ATRNL1: variants seen among roughly 807,000 people sequenced by gnomAD.
ATRNL1 encodes attractin like 1, also known as attractin-like protein 1.
ATRNL1 carries 95 observed loss-of-function variants against 182.7 expected under a neutral mutation model. That is an observed-to-expected ratio of 0.52 (90% confidence interval 0.44 to 0.62). ATRNL1 has a LOEUF of 0.62. ATRNL1 is among the 20% of genes least tolerant of loss of function. The probability of loss-of-function intolerance (pLI) is 0.00; values close to 1 mark genes in which losing one functional copy is unlikely to be tolerated. For synonymous variants in ATRNL1, 576 were observed against 568.3 expected (o/e 1.01, Z -0.19); for missense variants, 1,471 against 1,679.5 (o/e 0.88, Z 2.17).
In ATRNL1 at chr10:115,135,230, A is replaced by G. The variant is rs1845449774; in HGVS notation, c.829+5695A>G. ...GAAATAGAAGGTATTCAATTAGGAA[A>G]AGAGGAAGTCAAATTGTCCCTGTTT... is the stretch of plus-strand genomic sequence containing the variant. On this transcript the variant is annotated intron_variant, in intron 5 of 28. Coordinates refer to ENST00000355044, the MANE Select transcript of ATRNL1 (RefSeq NM_207303.4). Among the ~76,000 whole-genome samples the G allele has an allele frequency of 2.0e-5, 3 of 152,284 alleles. No individual in the cohort carries two copies. The South Asian group carries it at 6.2e-4, about 32-fold the overall frequency.
At chr10:115,935,608 G>A (rs1953533119) in intron 28 of ATRNL1, among the ~76,000 whole-genome samples, 1 of 152,092 alleles carries the variant, frequency 6.6e-6, no homozygotes. Context: ...AGCTGTGTGG[G>A]CATAAACTAG....
chr10:115,711,705 A>G (rs1947068453), intron 26 of ATRNL1, among the ~76,000 whole-genome samples: 1 of 152,200 alleles, frequency 6.6e-6, no homozygotes, highest in South Asian at 2.1e-4. Context: ...GGGTTGGAAC[A>G]GGACATATAT....
chr10:115,823,199 C>CA (rs1395021517), intron 27 of ATRNL1, among the ~76,000 whole-genome samples: 9 of 152,146 alleles, frequency 5.9e-5, no homozygotes, highest in Admixed American at 4.6e-4. Flanking sequence ...TCAATAGATG[C>CA]AAAAAAGACC....
chr10:115,151,292 G>A (rs1160065856), intron 5 of ATRNL1, among the ~76,000 whole-genome samples: 3 of 152,152 alleles, frequency 2.0e-5, no homozygotes, highest in Non-Finnish European at 4.4e-5. Flanking sequence ...TTGAGGGATC[G>A]CCACACTGTC....
intron 27 of ATRNL1, among the ~76,000 whole-genome samples, chr10:115,766,856 C>T (rs2134157933): frequency 6.6e-6 from 1 of 152,224 alleles, no homozygotes; most frequent in African/African-American, 2.4e-5. Flanking sequence ...AATTTGGAGT[C>T]AAAAGCCTTG....
At chr10:115,764,679 T>G (rs1413030869) in intron 27 of ATRNL1, among the ~76,000 whole-genome samples, 4 of 152,128 alleles carry the variant, frequency 2.6e-5, no homozygotes, top group African/African-American at 7.2e-5. Context: ...TGTTTGTTTT[T>G]TTGTTGTTGT....
chr10:115,819,226 C>G (rs1298371353), intron 27 of ATRNL1, among the ~76,000 whole-genome samples: 1 of 113,712 alleles, frequency 8.8e-6, no homozygotes, highest in Non-Finnish European at 2.0e-5. Context: ...AGACATCTCC[C>G]CTTTAGTGTC....
chr10:115,453,523 T>C (rs529756027), intron 21 of ATRNL1, among the ~76,000 whole-genome samples: 1 of 152,232 alleles, frequency 6.6e-6, no homozygotes, highest in Admixed American at 6.6e-5. Context: ...TAATTTCAAC[T>C]TTTTAGTTTG....
At chr10:115,762,884 T>C (rs907887305) in intron 27 of ATRNL1, among the ~76,000 whole-genome samples, 1 of 152,138 alleles carries the variant, frequency 6.6e-6, no homozygotes, top group Non-Finnish European at 1.5e-5. Context: ...TTATTCATTT[T>C]TGTTTAAATT....
intron 27 of ATRNL1, among the ~76,000 whole-genome samples, chr10:115,762,022 C>T (rs1315908121): frequency 6.6e-6 from 1 of 152,118 alleles, no homozygotes; most frequent in African/African-American, 2.4e-5. Flanking sequence ...CAATAAACAT[C>T]TCCAAATTAT....
intron 3 of ATRNL1, among the ~76,000 whole-genome samples, chr10:115,122,752 A>G (rs983463817): frequency 6.6e-6 from 1 of 152,094 alleles, no homozygotes; most frequent in Non-Finnish European, 1.5e-5. Context: ...GAGCTTAGGT[A>G]CTTATTCTAT....
chr10:115,453,012 A>G lies in ATRNL1; in HGVS notation c.3323-8929A>G, dbSNP rs556459657. Among the ~76,000 whole-genome samples the G allele has an allele frequency of 2.6e-5, 4 of 152,228 alleles. No individual in the cohort carries two copies. The South Asian group carries it at 8.3e-4, about 31-fold the overall frequency. On this transcript the variant is annotated intron_variant, in intron 21 of 28. Coordinates refer to ENST00000355044, the MANE Select transcript of ATRNL1 (RefSeq NM_207303.4). The stretch of plus-strand genomic sequence containing the variant: ...CTCCAGGTCTATCTATGTTGTTGCA[A>G]ATGGCAGAATTTCCATCCTTTTTAA...
At chr10:115,281,057 T>C (rs1852338014) in intron 13 of ATRNL1, among the ~76,000 whole-genome samples, 2 of 152,322 alleles carry the variant, frequency 1.3e-5, no homozygotes, top group East Asian at 1.9e-4. Flanking sequence ...TATGCCTCTA[T>C]TGCTGTGATT....
At chr10:115,604,077 C>T (rs1182535497) in intron 26 of ATRNL1, among the ~76,000 whole-genome samples, 1 of 152,010 alleles carries the variant, frequency 6.6e-6, no homozygotes, top group Non-Finnish European at 1.5e-5. Flanking sequence ...TTGTTTTTTA[C>T]TGACTTATTT....
chr10:115,179,017 A>G (rs1196642741), intron 8 of ATRNL1, among the ~76,000 whole-genome samples: 5 of 152,132 alleles, frequency 3.3e-5, no homozygotes, highest in Non-Finnish European at 5.9e-5. Flanking sequence ...GTAAAGGGCC[A>G]TATATTAAAT....
chr10:115,721,750 C>G (rs552764769), intron 26 of ATRNL1, among the ~76,000 whole-genome samples: 2 of 152,288 alleles, frequency 1.3e-5, no homozygotes, highest in Middle Eastern at 3.4e-3. Context: ...CAAACCATAT[C>G]ACTTATATAT....
intron 26 of ATRNL1, among the ~76,000 whole-genome samples, chr10:115,706,920 C>G (rs1946917420): frequency 6.6e-6 from 1 of 151,836 alleles, no homozygotes; most frequent in East Asian, 1.9e-4. Flanking sequence ...AAGCATGCTT[C>G]TATTTCACAG....
At chr10:115,383,390 G>C (rs1211570033) in intron 19 of ATRNL1, among the ~76,000 whole-genome samples, 1 of 151,336 alleles carries the variant, frequency 6.6e-6, no homozygotes, top group Non-Finnish European at 1.5e-5. Flanking sequence ...TATCTTTGTG[G>C]GTCTGTATGG....
At chr10:115,330,461 T>C (rs1364617357) in intron 18 of ATRNL1, among the ~76,000 whole-genome samples, 2 of 152,120 alleles carry the variant, frequency 1.3e-5, no homozygotes, top group Non-Finnish European at 2.9e-5. Flanking sequence ...TTTTTTGTAA[T>C]GTAGTTCTGG....
Sources: allele counts gnomAD v4.1 joint callset (sites outside exome capture counted in the v4.1 genomes callset), GRCh38; gene constraint gnomAD v4.1.1; transcripts MANE v1.5; gene names NCBI Gene and HGNC (gene_info 2026-07-23, HGNC 2026-07-21).